SEC11A: variants seen among roughly 807,000 people sequenced by gnomAD.
SEC11A encodes SEC11 homolog A, signal peptidase complex subunit.
A neutral mutation model predicts 25.6 loss-of-function variants in SEC11A; 14 were observed. The ratio of observed to expected loss-of-function variants is 0.55; its 90% CI spans 0.36 to 0.85. The LOEUF is 0.85. SEC11A is among the 40% of genes least tolerant of loss of function. The probability of loss-of-function intolerance (pLI) is 0.01; values close to 1 mark genes in which losing one functional copy is unlikely to be tolerated. For missense variants in SEC11A, 153 were observed against 222.9 expected, an observed-to-expected ratio of 0.69 and a Z score of 2.00; for synonymous variants, 83 against 76.4, an observed-to-expected ratio of 1.09 and a Z score of -0.45.
intron 3 of SEC11A, among the ~76,000 whole-genome samples, chr15:84,684,518 A>G (rs1385578543): frequency 2.0e-5 from 3 of 152,144 alleles, no homozygotes; most frequent in Non-Finnish European, 4.4e-5. Flanking sequence ...ACCCAGTCTC[A>G]GGTATGTCTT....
At chr15:84,713,131 T>C (rs1898337953) in intron 1 of SEC11A, among the ~76,000 whole-genome samples, 1 of 151,310 alleles carries the variant, frequency 6.6e-6, no homozygotes, top group Admixed American at 6.6e-5. Flanking sequence ...GAGGTGGAGC[T>C]TGCAGTGAGT....
At chr15:84,708,169 GC>G (rs1898152757) in intron 1 of SEC11A, among the ~76,000 whole-genome samples, 1 of 126,800 alleles carries the variant, frequency 7.9e-6, no homozygotes, top group Admixed American at 9.9e-5. Flanking sequence ...TGGCACCACT[GC>G]ACTTCAGCCT....
intron 5 of SEC11A, 117 bp downstream of exon 5, chr15:84,670,608 G>A (rs546727738): frequency 1.0e-4 from 57 of 553,748 alleles, no homozygotes; most frequent in Middle Eastern, 4.9e-4. Flanking sequence ...TTGAACTCCT[G>A]GGCTCAAGCG....
At chr15:84,694,899 G>A (rs2141901303) in intron 1 of SEC11A, among the ~76,000 whole-genome samples, 1 of 151,630 alleles carries the variant, frequency 6.6e-6, no homozygotes, top group East Asian at 2.0e-4. Flanking sequence ...AGACCAGCCT[G>A]GCCAACATGG....
chr15:84,669,739 C>A lies in SEC11A; in HGVS notation c.*280G>T. On this transcript the variant is annotated 3_prime_UTR_variant, in exon 6 of 6. Coordinates refer to ENST00000268220, the MANE Select transcript of SEC11A (RefSeq NM_014300.4). The stretch of plus-strand genomic sequence containing the variant: ...ACAAACACTGGGGGCTTTGGCTCAA[C>A]CTTTTAATATAAAAAAATTCACTGA... 1 of 424,534 alleles carries A rather than the reference C, an allele frequency of 2.4e-6. No individual in the cohort carries two copies. Among genetic ancestry groups the A allele is most frequent in the South Asian group, 3.1e-5 (1 of 32,316 alleles). 26.3% of individuals were successfully genotyped at this position (424,534 alleles called of 1,614,324 possible).
At chr15:84,702,235 C>T (rs1326472738) in intron 1 of SEC11A, among the ~76,000 whole-genome samples, 2 of 151,398 alleles carry the variant, frequency 1.3e-5, no homozygotes, top group Non-Finnish European at 2.9e-5. Flanking sequence ...CCGAGGTAGG[C>T]GGATCACCTG....
chr15:84,681,120 G>C (rs1181791237), intron 3 of SEC11A, among the ~76,000 whole-genome samples: 1 of 151,648 alleles, frequency 6.6e-6, no homozygotes, highest in Non-Finnish European at 1.5e-5. Context: ...GTGAAGAAAA[G>C]AATACAAAAT....
intron 4 of SEC11A, among the ~76,000 whole-genome samples, chr15:84,678,805 C>A (rs1281489302): frequency 6.6e-6 from 1 of 151,976 alleles, no homozygotes; most frequent in East Asian, 1.9e-4. Flanking sequence ...CCAGCCTGGG[C>A]AACATATCGA....
chr15:84,685,424 ATT>A (rs35058951), intron 3 of SEC11A, among the ~76,000 whole-genome samples: 170 of 133,532 alleles, frequency 1.3e-3, no homozygotes, highest in Admixed American at 1.7e-3. Context: ...TGCCTGACTC[ATT>A]TTTTTTTTTT....
chr15:84,713,102 G>A (rs565672848), intron 1 of SEC11A, among the ~76,000 whole-genome samples: 5 of 151,618 alleles, frequency 3.3e-5, no homozygotes, highest in Non-Finnish European at 7.4e-5. Flanking sequence ...GCTGAGGCAG[G>A]AGAATGGCGT....
chr15:84,715,941 G>C (rs1898451478), intron 1 of SEC11A, 84 bp downstream of exon 1: 1 of 1,342,450 alleles, frequency 7.4e-7, no homozygotes, highest in Non-Finnish European at 1.1e-6. Context: ...CCTCACACCA[G>C]AACCCTGGGG....
At chr15:84,712,925 G>A (rs897020876) in intron 1 of SEC11A, among the ~76,000 whole-genome samples, 10 of 151,992 alleles carry the variant, frequency 6.6e-5, no homozygotes, top group Non-Finnish European at 8.8e-5. Context: ...CTTATCGGCC[G>A]GCCGGGAGCA....
chr15:84,690,016 C>T (rs963987090), intron 2 of SEC11A, among the ~76,000 whole-genome samples: 11 of 152,094 alleles, frequency 7.2e-5, no homozygotes, highest in African/African-American at 2.7e-4. Flanking sequence ...TGCTTGTAAT[C>T]CCAGCATGTT....
chr15:84,676,961 T>A (rs1433033863), intron 4 of SEC11A, among the ~76,000 whole-genome samples: 1 of 151,670 alleles, frequency 6.6e-6, no homozygotes, highest in Non-Finnish European at 1.5e-5. Flanking sequence ...TGTGATAGCA[T>A]GCACCTGTGA....
At chr15:84,699,659 T>A (rs754139518) in intron 1 of SEC11A, among the ~76,000 whole-genome samples, 12 of 151,982 alleles carry the variant, frequency 7.9e-5, no homozygotes, top group Non-Finnish European at 1.6e-4. Context: ...GCACGGTGGC[T>A]CATGCCTGTA....
chr15:84,700,544 A>G (rs1897899209), intron 1 of SEC11A, among the ~76,000 whole-genome samples: 1 of 124,068 alleles, frequency 8.1e-6, no homozygotes, highest in Admixed American at 1.0e-4. Context: ...CAGTGAGCCG[A>G]GATCACACCA....
chr15:84,676,464 A>ATT (rs768514639), intron 4 of SEC11A, among the ~76,000 whole-genome samples: 2 of 118,870 alleles, frequency 1.7e-5, no homozygotes, highest in African/African-American at 2.7e-5. Flanking sequence ...AAAAAAAAAA[A>ATT]TTTTTTTTTT....
intron 4 of SEC11A, among the ~76,000 whole-genome samples, chr15:84,676,605 T>G (rs984864219): frequency 4.0e-5 from 6 of 151,304 alleles, no homozygotes; most frequent in African/African-American, 1.2e-4. Context: ...AAACCCTGTT[T>G]CTACTGAAAA....
rs1213976032 is a variant in SEC11A, at chr15:84,672,623, C to A, written c.432-1841G>T. 9.1e-5 allele frequency: 19 copies of A among 208,432 alleles called. No homozygotes were observed. In the South Asian group the frequency reaches 1.2e-3, roughly 13 times the overall value. 12.9% of individuals were successfully genotyped at this position (208,432 alleles called of 1,614,324 possible). On this transcript the variant is annotated intron_variant, in intron 4 of 5. Coordinates refer to ENST00000268220, the MANE Select transcript of SEC11A (RefSeq NM_014300.4). ...GCATGATCTCGGCTCGCTACAACCA[C>A]CTCCCAGCCGCCTGCCTTGGCCTCC... is the stretch of plus-strand genomic sequence containing the variant.
Sources: allele counts gnomAD v4.1 joint callset (sites outside exome capture counted in the v4.1 genomes callset), GRCh38; gene constraint gnomAD v4.1.1; transcripts MANE v1.5; gene names NCBI Gene and HGNC (gene_info 2026-07-23, HGNC 2026-07-21).